Variants in SOX5 observed in about 807,000 individuals in gnomAD.
SOX5 encodes transcription factor SOX-5.
Under a neutral mutation model 92.0 loss-of-function variants are expected in SOX5, and 9 were observed. The ratio of observed to expected loss-of-function variants is 0.10; its 90% confidence interval spans 0.06 to 0.17. SOX5 has a LOEUF of 0.17. Among genes scored for constraint, SOX5 ranks in the 10% least tolerant of loss-of-function variants. The probability of loss-of-function intolerance (pLI) is 1.00; values close to 1 mark genes in which losing one functional copy is unlikely to be tolerated. For missense variants in SOX5, 642 were observed against 944.5 expected (o/e 0.68, Z 4.20); for synonymous variants, 344 against 336.3 (o/e 1.02, Z -0.25).
chr12:24,479,212 A>G (rs1945711576), intron 1 of SOX5, among the ~76,000 whole-genome samples: 2 of 151,808 alleles, frequency 1.3e-5, no homozygotes, highest in South Asian at 4.2e-4. Context: ...TCAAATGCCA[A>G]CTCCCTGGTA....
intron 3 of SOX5, among the ~76,000 whole-genome samples, chr12:24,275,465 C>G (rs1034571632): frequency 2.4e-4 from 37 of 151,676 alleles, no homozygotes; most frequent in Non-Finnish European, 3.1e-4. Context: ...TTTTAAAATT[C>G]TTTAGAAAAG....
intron 1 of SOX5, among the ~76,000 whole-genome samples, chr12:23,947,014 C>A (rs1056428193): frequency 1.3e-5 from 2 of 151,862 alleles, no homozygotes; most frequent in Non-Finnish European, 2.9e-5. Context: ...TAGACATATA[C>A]AAATCTAAAT....
intron 1 of SOX5, among the ~76,000 whole-genome samples, chr12:23,901,845 T>C (rs2097236930): frequency 6.6e-6 from 1 of 152,222 alleles, no homozygotes; most frequent in Non-Finnish European, 1.5e-5. Flanking sequence ...CCTACCTAGG[T>C]ATAGCTTTAA....
intron 6 of SOX5, among the ~76,000 whole-genome samples, chr12:23,715,476 C>A (rs1300160092): frequency 1.3e-5 from 2 of 151,956 alleles, no homozygotes; most frequent in African/African-American, 4.8e-5. Flanking sequence ...TTAAAACTTG[C>A]ACAGATTTTA....
At chr12:24,170,061 G>A (rs1429099985) in intron 4 of SOX5, among the ~76,000 whole-genome samples, 2 of 152,126 alleles carry the variant, frequency 1.3e-5, no homozygotes, top group African/African-American at 4.8e-5. Flanking sequence ...TTTAAGTACA[G>A]CAGGTTTCAT....
intron 2 of SOX5, among the ~76,000 whole-genome samples, chr12:24,301,344 C>A (rs1170540410): frequency 6.6e-6 from 1 of 152,174 alleles, no homozygotes; most frequent in African/African-American, 2.4e-5. Flanking sequence ...TTATGGAAAG[C>A]ATCAATCTCA....
intron 4 of SOX5, among the ~76,000 whole-genome samples, chr12:23,998,997 T>G (rs1040596632): frequency 1.3e-5 from 2 of 151,846 alleles, no homozygotes; most frequent in Admixed American, 1.3e-4. Flanking sequence ...GACCAAGAGA[T>G]AATTTTAAAA....
intron 4 of SOX5, among the ~76,000 whole-genome samples, chr12:24,038,423 A>G (rs1174860614): frequency 2.6e-5 from 4 of 152,202 alleles, no homozygotes; most frequent in African/African-American, 4.8e-5. Context: ...CACTAGTCCT[A>G]TGACATGTGA....
rs536805504 is a variant in SOX5 at position 23,593,688 on chromosome 12, A to AT, written c.1164+10698dup. On this transcript the variant is annotated intron_variant, in intron 9 of 14. Coordinates refer to ENST00000451604, the MANE Select transcript of SOX5 (RefSeq NM_006940.6). ...AGTACATGTTTAAATAAATGATATA[A>AT]TTTTTTTTACCAAGAAAATAACATT... Among the ~76,000 whole-genome samples the AT allele has an allele frequency of 2.3e-3, 344 of 152,082 alleles. 1 individual carries two copies. Among genetic ancestry groups the AT allele is most frequent in the African/African-American group, 7.5e-3 (310 of 41,508 alleles).
intron 4 of SOX5, among the ~76,000 whole-genome samples, chr12:23,749,875 T>G (rs1277777835): frequency 6.6e-6 from 1 of 151,904 alleles, no homozygotes; most frequent in Non-Finnish European, 1.5e-5. Context: ...TCCTCAAATA[T>G]GCACTACATT....
At chr12:23,988,947 T>C (rs1370617478) in intron 4 of SOX5, among the ~76,000 whole-genome samples, 1 of 152,154 alleles carries the variant, frequency 6.6e-6, no homozygotes, top group Non-Finnish European at 1.5e-5. Flanking sequence ...AGATGAATAG[T>C]GTTTTCTAGA....
rs569943732 is a variant in SOX5, at chr12:24,332,406, T to C, written c.-174+36157A>G. On this transcript the variant is annotated intron_variant, in intron 2 of 4. Transcript: ENST00000446891. ...GAGGGAAAAGAACAATACTTTCAGA[T>C]AGGCAATATCTGAGAAGGTTTAAAT... Among the ~76,000 whole-genome samples the C allele has an allele frequency of 5.9e-5, 9 of 152,258 alleles. No individual in the cohort carries two copies. In the South Asian group the frequency reaches 1.5e-3, roughly 25 times the overall value.
At chr12:24,156,007 G>A (rs958810424) in intron 4 of SOX5, among the ~76,000 whole-genome samples, 2 of 152,154 alleles carry the variant, frequency 1.3e-5, no homozygotes, top group African/African-American at 4.8e-5. Flanking sequence ...TCTCTTTAGT[G>A]GTTCAGAGCA....
intron 3 of SOX5, among the ~76,000 whole-genome samples, chr12:24,218,312 A>C (rs904295454): frequency 7.9e-5 from 12 of 152,244 alleles, no homozygotes; most frequent in African/African-American, 2.9e-4. Context: ...AAAAAGGAAT[A>C]CAATACATAT....
At chr12:23,844,106 T>C (rs1003062368) in intron 3 of SOX5, among the ~76,000 whole-genome samples, 18 of 152,236 alleles carry the variant, frequency 1.2e-4, no homozygotes, top group Non-Finnish European at 1.9e-4. Flanking sequence ...AGAACACTTA[T>C]GTTGTTAGTC....
chr12:24,207,514 A>G (rs2139627831), intron 4 of SOX5, among the ~76,000 whole-genome samples: 1 of 152,312 alleles, frequency 6.6e-6, no homozygotes, highest in Middle Eastern at 3.4e-3. Flanking sequence ...AAAAATCCAT[A>G]ATGTAGAAAT....
At chr12:24,269,839 ATTTTTTTTTTTTT>A (rs56939628) in intron 3 of SOX5, among the ~76,000 whole-genome samples, 5 of 62,122 alleles carry the variant, frequency 8.0e-5, no homozygotes, top group Admixed American at 2.5e-4. Flanking sequence ...CCACCATGCA[ATTTTTTTTTTTTT>A]TTTTTTTTTT....
In SOX5 at chr12:23,883,764, A is replaced by T. The variant is rs546320662; in HGVS notation, c.270+12029T>A. 2.0e-5 allele frequency among the ~76,000 whole-genome samples: 3 copies of T among 152,270 alleles called. No individual in the cohort carries two copies. In the South Asian group the frequency reaches 6.2e-4, roughly 32 times the overall value. On this transcript the variant is annotated intron_variant, in intron 2 of 14. Coordinates refer to ENST00000451604, the MANE Select transcript of SOX5 (RefSeq NM_006940.6). The stretch of plus-strand genomic sequence containing the variant: ...GGTTTTTGACTTTACTGAGGTAGAT[A>T]TTGGTGTGGTGGTGTTAGTGGAGGT...
At chr12:24,449,292 C>T (rs1249958254) in intron 1 of SOX5, among the ~76,000 whole-genome samples, 1 of 152,222 alleles carries the variant, frequency 6.6e-6, no homozygotes, top group Admixed American at 6.5e-5. Context: ...ACTCTTCTTA[C>T]TATTTTCCTC....
Sources: allele counts gnomAD v4.1 joint callset (sites outside exome capture counted in the v4.1 genomes callset), GRCh38; gene constraint gnomAD v4.1.1; transcripts MANE v1.5; gene names NCBI Gene and HGNC (gene_info 2026-07-23, HGNC 2026-07-21).